SPATA6: variants seen among roughly 807,000 people sequenced by gnomAD.
SPATA6 encodes the protein spermatogenesis associated 6, also known as spermatogenesis-associated protein 6.
Under a neutral mutation model 65.3 loss-of-function variants are expected in SPATA6, and 56 were observed. The observed-to-expected ratio is 0.86, with a 90% CI of 0.69 to 1.07. The LOEUF is 1.07. Ranked by LOEUF, SPATA6 falls within the 50% of genes least tolerant of loss-of-function variation. The pLI is 0.00. For missense variants in SPATA6, 590 were observed against 594.8 expected, an observed-to-expected ratio of 0.99 and a Z score of 0.08; for synonymous variants, 199 against 213.2, an observed-to-expected ratio of 0.93 and a Z score of 0.58.
intron 9 of SPATA6, among the ~76,000 whole-genome samples, chr1:48,377,582 T>G (rs1047428475): frequency 6.6e-6 from 1 of 152,200 alleles, no homozygotes; most frequent in African/African-American, 2.4e-5. Flanking sequence ...CTCCATGATA[T>G]GTATCACAGT....
At chr1:48,413,036 CAATATAT>C (rs1570491650) in intron 4 of SPATA6, 67 bp downstream of exon 4, 1 of 429,274 alleles carries the variant, frequency 2.3e-6, no homozygotes, top group African/African-American at 2.1e-5. Context: ...ATAGTATAAT[CAATATAT>C]AATATATTAT....
the SPATA6 span, among the ~76,000 whole-genome samples, chr1:48,283,891 C>A: frequency 1.2e-4 from 19 of 152,156 alleles, no homozygotes; most frequent in African/African-American, 4.6e-4. Context: ...CACGGTGAAT[C>A]TGACAATTAT....
chr1:48,317,172 T>TA (rs1557552004), intron 11 of SPATA6, among the ~76,000 whole-genome samples: 1 of 152,202 alleles, frequency 6.6e-6, no homozygotes, highest in Admixed American at 6.5e-5. Flanking sequence ...GCCATCCCAT[T>TA]ACTGGGTATA....
the SPATA6 span, among the ~76,000 whole-genome samples, chr1:48,267,947 T>G: frequency 1.3e-5 from 2 of 151,802 alleles, no homozygotes; most frequent in East Asian, 3.9e-4. Flanking sequence ...GAGACGGGGT[T>G]TCACCGTGTT....
chr1:48,403,934 A>G, intron 5 of SPATA6, 52 bp from the exon 6 acceptor site: 1 of 1,265,686 alleles, frequency 7.9e-7, no homozygotes, highest in Non-Finnish European at 1.1e-6. Flanking sequence ...AATAGAGATA[A>G]TTATTAATGA....
chr1:48,347,446 G>A (rs1019756751), intron 11 of SPATA6, among the ~76,000 whole-genome samples: 1 of 144,454 alleles, frequency 6.9e-6, no homozygotes, highest in Non-Finnish European at 1.5e-5. Context: ...TAATATATAT[G>A]TATATATAAT....
At chr1:48,305,721 A>G (rs1331265992) in intron 12 of SPATA6, 66 bp downstream of exon 12, 20 of 1,170,458 alleles carry the variant, frequency 1.7e-5, no homozygotes, top group Non-Finnish European at 2.3e-5. Context: ...CCATAAATTC[A>G]GCATATTATA....
chr1:48,435,194 T>C (rs988185635), intron 3 of SPATA6, among the ~76,000 whole-genome samples: 8 of 152,182 alleles, frequency 5.3e-5, no homozygotes, highest in Non-Finnish European at 1.0e-4. Context: ...GTAATTAGTA[T>C]GTCCAAGTGA....
In SPATA6 at chr1:48,453,067, C is replaced by A; in HGVS notation, c.116G>T (p.Gly39Val). 6.2e-7 allele frequency: 1 copy of A among 1,613,912 alleles called. No individual in the cohort carries two copies. The highest frequency in any genetic ancestry group is 1.1e-5 in the South Asian group (1 of 91,058). ...EDIYLSICVF[G>V]QYKKTQCVPA... is the part of the protein sequence containing the mutation. ...GACACATTGTGTCTTTTTGTATTGGCCAAACACACAGATGCTAAGATAGAT... is the reference window on the plus strand; with the variant it reads ...GACACATTGTGTCTTTTTGTATTGGACAAACACACAGATGCTAAGATAGAT... The change falls in exon 2 of 13, where the codon GGC becomes GTC. Residue 39 changes from glycine to valine, a missense_variant. Physicochemically the swap from Gly to Val is moderately radical, Grantham distance 109. Transcript: ENST00000371847.
At chr1:48,358,014 A>G (rs1646705069) in intron 10 of SPATA6, among the ~76,000 whole-genome samples, 1 of 152,106 alleles carries the variant, frequency 6.6e-6, no homozygotes, top group Non-Finnish European at 1.5e-5. Flanking sequence ...AGAATCACTC[A>G]TTTTCTTCTA....
intron 11 of SPATA6, among the ~76,000 whole-genome samples, chr1:48,309,206 T>A (rs1645137834): frequency 6.6e-6 from 1 of 152,186 alleles, no homozygotes; most frequent in East Asian, 1.9e-4. Context: ...GTCCCTTCCT[T>A]TCTCCCTCTT....
At chr1:48,419,754 A>G (rs1653147079) in intron 3 of SPATA6, among the ~76,000 whole-genome samples, 1 of 152,208 alleles carries the variant, frequency 6.6e-6, no homozygotes, top group Admixed American at 6.5e-5. Context: ...CATCTTAAGA[A>G]TACTAGAGTT....
At chr1:48,445,659 C>CAAAAAAAAAAAAAAAA (rs10632587) in intron 3 of SPATA6, among the ~76,000 whole-genome samples, 1 of 51,274 alleles carries the variant, frequency 2.0e-5, no homozygotes, top group African/African-American at 1.2e-4. Flanking sequence ...GACTCTGTCT[C>CAAAAAAAAAAAAAAAA]AAAAAAAAAA....
chr1:48,308,343 T>C (rs1645112288), intron 11 of SPATA6, among the ~76,000 whole-genome samples: 1 of 152,060 alleles, frequency 6.6e-6, no homozygotes, highest in African/African-American at 2.4e-5. Context: ...GAAACTTTGC[T>C]CTTACATGTT....
At chr1:48,342,608 T>A (rs1570213292) in intron 11 of SPATA6, among the ~76,000 whole-genome samples, 1 of 140,632 alleles carries the variant, frequency 7.1e-6, no homozygotes, top group Admixed American at 7.3e-5. Flanking sequence ...AGAGCGAGAC[T>A]CCATCTCAAA....
At chr1:48,380,267 C>T (rs1648408850) in intron 9 of SPATA6, among the ~76,000 whole-genome samples, 2 of 152,276 alleles carry the variant, frequency 1.3e-5, no homozygotes, top group South Asian at 4.1e-4. Flanking sequence ...CTACTATGTA[C>T]CTACATGAAA....
At chr1:48,268,942 T>C in the SPATA6 span, among the ~76,000 whole-genome samples, 4 of 152,174 alleles carry the variant, frequency 2.6e-5, no homozygotes, top group South Asian at 6.2e-4. Context: ...GCAGTCTTCA[T>C]AGTAACCATC....
At chr1:48,363,231 C>T (rs76719177) in intron 9 of SPATA6, among the ~76,000 whole-genome samples, 1 of 152,068 alleles carries the variant, frequency 6.6e-6, no homozygotes. Context: ...AAACTTAAAG[C>T]CTTCAGCCTT....
rs1418943148 is a variant in SPATA6, at chr1:48,298,588, A to T, written c.*125T>A. ...CCATTTGAAGTAATGAACTTATTCA[A>T]GTATAACTATTGTACTTAGTTATAA... On this transcript the variant is annotated 3_prime_UTR_variant, in exon 13 of 13. Transcript: ENST00000371847. The T allele has an allele frequency of 7.1e-6, 6 of 847,508 alleles. No homozygotes were observed. Among genetic ancestry groups the T allele is most frequent in the Admixed American group, 2.7e-5 (1 of 36,462 alleles). The allele number at this position is 847,508 out of a possible 1,614,324, so 52.5% of individuals were successfully genotyped here.
Sources: gnomAD v4.1 joint callset for allele counts (sites outside exome capture counted in the v4.1 genomes callset) on GRCh38, gnomAD v4.1.1 for gene constraint, MANE v1.5 for transcripts, NCBI Gene and HGNC (gene_info 2026-07-23, HGNC 2026-07-21) for gene names.